The following BEST3 variants were observed in gnomAD, a reference collection of about 807,000 sequenced individuals.
The protein encoded by BEST3 is bestrophin-3.
A neutral mutation model predicts 47.1 loss-of-function variants in BEST3; 50 were observed. The observed-to-expected ratio is 1.06, with a 90% CI of 0.85 to 1.34. The LOEUF (loss-of-function observed/expected upper bound fraction) is 1.34. Ranked by LOEUF, BEST3 falls within the 40% of genes most tolerant of loss-of-function variation. The probability of loss-of-function intolerance (pLI) is 0.00; values close to 1 mark genes in which losing one functional copy is unlikely to be tolerated. For synonymous variants in BEST3, 282 were observed against 298.8 expected, an observed-to-expected ratio of 0.94 and a Z score of 0.58; for missense variants, 765 against 817.0, an observed-to-expected ratio of 0.94 and a Z score of 0.78.
chr12:69,665,336 G>T (rs1463071022), intron 9 of BEST3, among the ~76,000 whole-genome samples: 1 of 152,146 alleles, frequency 6.6e-6, no homozygotes, highest in Non-Finnish European at 1.5e-5. Flanking sequence ...AGTATAGGTG[G>T]TGACGATAAT....
At chr12:69,664,641 C>T (rs1018128084) in intron 9 of BEST3, among the ~76,000 whole-genome samples, 6 of 150,244 alleles carry the variant, frequency 4.0e-5, no homozygotes, top group African/African-American at 1.2e-4. Flanking sequence ...TCTGGAAATA[C>T]ATACAATGCA....
chr12:69,643,544 T>G, downstream of BEST3: 2 of 483,218 alleles, frequency 4.1e-6, no homozygotes, highest in Non-Finnish European at 7.6e-6. Flanking sequence ...GAAGGTACCA[T>G]GTTGGGCATT....
chr12:69,677,024 A>C lies in BEST3; in HGVS notation c.759T>G (p.Ile253Met). 6.2e-7 allele frequency: 1 copy of C among 1,614,222 alleles called. No homozygotes were observed. The change falls in exon 7 of 10, where the codon ATT becomes ATG. Residue 253 changes from isoleucine (I) to methionine (M), a missense_variant. Coordinates refer to ENST00000330891, the MANE Select transcript of BEST3 (RefSeq NM_032735.3). ...TGGTGGGATCCAAAAACTGGCGTCC[A>C]ATCAGGCACGCAAAGAAGAAGGTAT... ...AVYTFFFACL[I>M]GRQFLDPTKG...
At chr12:69,694,323 A>G in intron 3 of BEST3, 47 bp downstream of exon 3, 2 of 1,243,194 alleles carry the variant, frequency 1.6e-6, no homozygotes, top group Non-Finnish European at 2.3e-6. Context: ...GTGTCATCCT[A>G]ACGGAGACAG....
At chr12:69,671,201 G>A (rs1026381336) in intron 9 of BEST3, among the ~76,000 whole-genome samples, 4 of 152,102 alleles carry the variant, frequency 2.6e-5, no homozygotes, top group Non-Finnish European at 5.9e-5. Context: ...GCTTCACTTT[G>A]TCACCCAGGC....
chr12:69,646,895 A>G (rs1883054450), intron 9 of BEST3, among the ~76,000 whole-genome samples: 1 of 152,110 alleles, frequency 6.6e-6, no homozygotes, highest in Admixed American at 6.6e-5. Flanking sequence ...TATCATTAGA[A>G]TTGAAGATGC....
chr12:69,697,915 C>A, intron 1 of BEST3, 102 bp from the exon 2 acceptor site: 1 of 855,642 alleles, frequency 1.2e-6, no homozygotes, highest in Non-Finnish European at 1.8e-6. Flanking sequence ...AGCAACTAGT[C>A]AGCCATATCT....
chr12:69,658,771 G>A (rs1235486021), intron 9 of BEST3, among the ~76,000 whole-genome samples: 1 of 152,214 alleles, frequency 6.6e-6, no homozygotes, highest in East Asian at 1.9e-4. Context: ...GGAAAGTTTA[G>A]GGTGTTTGTG....
chr12:69,655,007 G>C lies in BEST3; in HGVS notation c.1907C>G (p.Ser636Cys). The C allele has an allele frequency of 6.2e-7, 1 of 1,614,062 alleles. No individual in the cohort carries two copies. The highest frequency in any genetic ancestry group is 1.3e-5 in the African/African-American group (1 of 75,012). ...ATACAGCATATCAGAAGAGACTCGAGAGCCAGCCACAATGTTGATCCCACT... is the reference window on the plus strand; with the variant it reads ...ATACAGCATATCAGAAGAGACTCGACAGCCAGCCACAATGTTGATCCCACT... ...EISGINIVAGSRVSSDMLYLM... is the reference protein window; with the variant it reads ...EISGINIVAGCRVSSDMLYLM... Residue 636 changes from serine to cysteine, a missense_variant, in exon 10 of 10, where the codon TCT becomes TGT. Physicochemically the swap from Ser to Cys is moderately radical, Grantham distance 112. Coordinates refer to ENST00000330891, the MANE Select transcript of BEST3 (RefSeq NM_032735.3).
chr12:69,699,232 A>G lies in BEST3; in HGVS notation c.-43T>C. 1.0e-6 allele frequency: 1 copy of G among 985,468 alleles called. No homozygotes were observed. The highest frequency in any genetic ancestry group is 1.2e-6 in the Non-Finnish European group (1 of 829,932). The allele number at this position is 985,468 out of a possible 1,614,324, so 61.0% of individuals were successfully genotyped here. ...ATTTATTTGGTTTGTAGTCTCCGAC[A>G]GGAAAGAGAATCTTCAAATTTCGGG... On this transcript the variant is annotated 5_prime_UTR_variant, in exon 1 of 10. Transcript: ENST00000330891.
chr12:69,671,345 TC>T (rs1884557871), intron 9 of BEST3, 82 bp downstream of exon 9: 6 of 1,206,342 alleles, frequency 5.0e-6, no homozygotes, highest in East Asian at 2.8e-5. Context: ...TTATTTTATT[TC>T]TTTTTTTTTT....
chr12:69,681,541 G>T (rs899862570), intron 4 of BEST3, among the ~76,000 whole-genome samples: 3 of 152,172 alleles, frequency 2.0e-5, no homozygotes, highest in Admixed American at 1.3e-4. Flanking sequence ...TGTCAAAGGA[G>T]GAGTGAGGTA....
At position 69,684,670 on chromosome 12, in the gene BEST3, G is replaced by A. The variant is rs908446446; in HGVS notation, c.482-5777C>T. 8 of 587,168 alleles carry A rather than the reference G, an allele frequency of 1.4e-5. No individual in the cohort carries two copies. The Admixed American group carries it at 1.9e-4, about 14-fold the overall frequency. 36.4% of individuals were successfully genotyped at this position (587,168 alleles called of 1,614,324 possible). A position where few individuals can be genotyped will look rare whatever the true frequency, so the allele number is the denominator to read the frequency against. On this transcript the variant is annotated intron_variant, in intron 4 of 9. Coordinates refer to ENST00000330891, the MANE Select transcript of BEST3 (RefSeq NM_032735.3). ...TTCTCCAAGGGATGACACTTTTTCA[G>A]GAAGAGTGCAACGTGCCTGGCTTGT...
chr12:69,667,875 G>A (rs558940819), intron 9 of BEST3, among the ~76,000 whole-genome samples: 2 of 152,060 alleles, frequency 1.3e-5, no homozygotes, highest in Non-Finnish European at 2.9e-5. Flanking sequence ...ATAAATAAAC[G>A]AGCACATTCT....
At chr12:69,660,789 T>C (rs777117491) in intron 9 of BEST3, 1 of 152,204 alleles carries the variant, frequency 6.6e-6, no homozygotes, top group Non-Finnish European at 1.5e-5. Context: ...TGGTTAGTTA[T>C]AGTTGAGTCC....
intron 9 of BEST3, among the ~76,000 whole-genome samples, chr12:69,647,242 C>T (rs1279458493): frequency 6.6e-6 from 1 of 152,196 alleles, no homozygotes; most frequent in African/African-American, 2.4e-5. Context: ...GTTGAAGGAT[C>T]CTGAACTATC....
chr12:69,690,715 G>A (rs1885889566), intron 4 of BEST3, among the ~76,000 whole-genome samples: 1 of 152,162 alleles, frequency 6.6e-6, no homozygotes, highest in African/African-American at 2.4e-5. Flanking sequence ...CTTGGAATAG[G>A]TCATACGTTT....
At chr12:69,645,667 A>G (rs1883008709) in intron 9 of BEST3, among the ~76,000 whole-genome samples, 3 of 152,154 alleles carry the variant, frequency 2.0e-5, no homozygotes, top group African/African-American at 7.2e-5. Flanking sequence ...TTGTTGTGTA[A>G]CCTGTAGCAA....
intron 4 of BEST3, among the ~76,000 whole-genome samples, chr12:69,682,778 T>C (rs1885333620): frequency 6.6e-6 from 1 of 152,176 alleles, no homozygotes. Flanking sequence ...GGTTTCACCA[T>C]GTTGCCAGGC....
Sources: gnomAD v4.1 joint callset for allele counts (sites outside exome capture counted in the v4.1 genomes callset) on GRCh38, gnomAD v4.1.1 for gene constraint, MANE v1.5 for transcripts, NCBI Gene and HGNC (gene_info 2026-07-23, HGNC 2026-07-21) for gene names.